The following PPM1B variants were observed in gnomAD, a reference collection of about 807,000 sequenced individuals.
PPM1B encodes the protein protein phosphatase 1B.
In PPM1B, 22 loss-of-function variants were observed where a neutral mutation model predicts 43.0. That is an observed-to-expected ratio of 0.51 (90% confidence interval 0.37 to 0.73). PPM1B has a LOEUF of 0.73. Among genes scored for constraint, PPM1B ranks in the 30% least tolerant of loss-of-function variants. The probability of loss-of-function intolerance (pLI) is 0.00; values close to 1 mark genes in which losing one functional copy is unlikely to be tolerated. For synonymous variants in PPM1B, 217 were observed against 197.9 expected (o/e 1.10, Z -0.81); for missense variants, 632 against 584.2 (o/e 1.08, Z -0.84).
In PPM1B at chr2:44,203,418, A is replaced by G. The variant is rs542326421; in HGVS notation, c.846+1373A>G. Among the ~76,000 whole-genome samples, 11 of 152,236 alleles carry G rather than the reference A, an allele frequency of 7.2e-5. No individual in the cohort carries two copies. In the South Asian group the frequency reaches 1.2e-3, roughly 17 times the overall value. ...TGACCTGTAGATTTTTGAGACAAGCATAGGCATATGTTTGTTGCCTGACTA... is the reference window on the plus strand; with the variant it reads ...TGACCTGTAGATTTTTGAGACAAGCGTAGGCATATGTTTGTTGCCTGACTA... On this transcript the variant is annotated intron_variant, in intron 2 of 5. Coordinates refer to ENST00000282412, the MANE Select transcript of PPM1B (RefSeq NM_002706.6).
In PPM1B at chr2:44,169,186, A is replaced by G. The variant is rs974645054; in HGVS notation, c.-103A>G. The G allele has an allele frequency of 1.1e-4, 17 of 160,772 alleles. No homozygotes were observed. Among genetic ancestry groups the G allele is most frequent in the Middle Eastern group, 3.2e-3 (1 of 312 alleles). The allele number at this position is 160,772 out of a possible 1,614,324, so 10.0% of individuals were successfully genotyped here. A position where few individuals can be genotyped will look rare whatever the true frequency, so the allele number is the denominator to read the frequency against. On this transcript the variant is annotated 5_prime_UTR_variant, in exon 1 of 6. Coordinates refer to ENST00000282412, the MANE Select transcript of PPM1B (RefSeq NM_002706.6). Reference sequence around the variant, plus strand: ...CCGAGGGGGAAGCGGCGGCTGAGTCAGGGTCGCGCCTCCGTTGGAAACTTG... The same window carrying G: ...CCGAGGGGGAAGCGGCGGCTGAGTCGGGGTCGCGCCTCCGTTGGAAACTTG...
chr2:44,238,702 A>T (rs1670683056), downstream of PPM1B, among the ~76,000 whole-genome samples: 1 of 151,536 alleles, frequency 6.6e-6, no homozygotes, highest in Admixed American at 6.6e-5. Flanking sequence ...AATCTGTCTC[A>T]AAAAAAGGAA....
chr2:44,170,225 C>G (rs899242249), intron 1 of PPM1B, among the ~76,000 whole-genome samples: 1 of 152,152 alleles, frequency 6.6e-6, no homozygotes, highest in Non-Finnish European at 1.5e-5. Flanking sequence ...CATCAATATT[C>G]AATTTCTTCT....
chr2:44,192,110 A>G (rs997586408), intron 1 of PPM1B, among the ~76,000 whole-genome samples: 2 of 138,456 alleles, frequency 1.4e-5, no homozygotes, highest in African/African-American at 5.4e-5. Flanking sequence ...TTTTTTTTTC[A>G]GTTTGATTTT....
At chr2:44,195,931 G>A (rs145506292) in intron 1 of PPM1B, among the ~76,000 whole-genome samples, 141 of 152,252 alleles carry the variant, frequency 9.3e-4, no homozygotes, top group Non-Finnish European at 1.4e-3. Flanking sequence ...TACTCCTTGG[G>A]ACAGTCTCAG....
At chr2:44,222,059 T>G (rs1275903083) in intron 5 of PPM1B, among the ~76,000 whole-genome samples, 1 of 152,150 alleles carries the variant, frequency 6.6e-6, no homozygotes, top group Non-Finnish European at 1.5e-5. Context: ...AGAAATCTTT[T>G]GGAAAATTTC....
chr2:44,228,609 T>C (rs527919852), intron 5 of PPM1B, among the ~76,000 whole-genome samples: 11 of 152,288 alleles, frequency 7.2e-5, no homozygotes, highest in Non-Finnish European at 1.5e-4. Context: ...TGGTTAAGAG[T>C]TTGTGTCACA....
intron 5 of PPM1B, among the ~76,000 whole-genome samples, chr2:44,223,822 A>G (rs1670086051): frequency 7.0e-6 from 1 of 142,636 alleles, no homozygotes; most frequent in African/African-American, 2.8e-5. Flanking sequence ...TCTAAAAAAA[A>G]AAAAAAAAAA....
chr2:44,204,858 CAAAAAAAAAA>C (rs368660082), intron 2 of PPM1B, among the ~76,000 whole-genome samples: 1,348 of 36,712 alleles, frequency 0.037, 26 homozygotes, highest in African/African-American at 0.076. Context: ...GACTCCGTCT[CAAAAAAAAAA>C]AAAAAAAAAA....
chr2:44,171,829 C>CAAA (rs58214419), intron 1 of PPM1B, among the ~76,000 whole-genome samples: 25 of 118,750 alleles, frequency 2.1e-4, no homozygotes, highest in African/African-American at 5.5e-4. Context: ...GACTCTGTCT[C>CAAA]AAAAAAAAAA....
chr2:44,173,218 T>C (rs1667433035), intron 1 of PPM1B, among the ~76,000 whole-genome samples: 1 of 152,232 alleles, frequency 6.6e-6, no homozygotes, highest in Non-Finnish European at 1.5e-5. Flanking sequence ...ATCAGCGTTA[T>C]GGTGAAAAGA....
At chr2:44,212,773 G>A (rs11124979) in intron 3 of PPM1B, among the ~76,000 whole-genome samples, 24,963 of 152,080 alleles carry the variant, frequency 0.16, 2,156 homozygotes, top group South Asian at 0.24. Context: ...CACTTTGGGA[G>A]ACCGAGGCGG....
intron 3 of PPM1B, among the ~76,000 whole-genome samples, chr2:44,212,704 A>C (rs1403517356): frequency 6.6e-6 from 1 of 152,024 alleles, no homozygotes; most frequent in Non-Finnish European, 1.5e-5. Context: ...TTAGTTACAC[A>C]TTCTTTAAAA....
chr2:44,174,716 T>G (rs1662964195), intron 1 of PPM1B, among the ~76,000 whole-genome samples: 1 of 152,246 alleles, frequency 6.6e-6, no homozygotes, highest in African/African-American at 2.4e-5. Flanking sequence ...GAGAGTAATG[T>G]CAACTCATTT....
At chr2:44,193,812 A>C (rs1428635403) in intron 1 of PPM1B, among the ~76,000 whole-genome samples, 1 of 151,886 alleles carries the variant, frequency 6.6e-6, no homozygotes, top group African/African-American at 2.4e-5. Flanking sequence ...CTCCTGACGT[A>C]AGGTGATCCA....
chr2:44,205,396 T>G (rs972872309), intron 2 of PPM1B, among the ~76,000 whole-genome samples: 3 of 151,768 alleles, frequency 2.0e-5, no homozygotes, highest in Non-Finnish European at 4.4e-5. Flanking sequence ...TCTGTCTGTT[T>G]CGGTTTTCAT....
At position 44,169,164 on chromosome 2, in the gene PPM1B, A is replaced by AG; in HGVS notation, c.-120dup. The AG allele has an allele frequency of 7.4e-6, 1 of 135,392 alleles. No individual in the cohort carries two copies. Among genetic ancestry groups the AG allele is most frequent in the Non-Finnish European group, 1.6e-5 (1 of 61,260 alleles). The allele number at this position is 135,392 out of a possible 1,614,324, so 8.4% of individuals were successfully genotyped here. ...CCCGGAGGCGGCGGTCGAGACCCCG[A>AG]GGGGGAAGCGGCGGCTGAGTCAGGG... is the stretch of plus-strand genomic sequence containing the variant. On this transcript the variant is annotated 5_prime_UTR_variant, in exon 1 of 6. Transcript: ENST00000282412.
intron 2 of PPM1B, among the ~76,000 whole-genome samples, chr2:44,205,142 G>A (rs183287975): frequency 6.6e-6 from 1 of 152,078 alleles, no homozygotes; most frequent in Middle Eastern, 3.2e-3. Context: ...AATCCTCATA[G>A]TAACTTTCTG....
Position 44,201,149 on chromosome 2 carries a change from A to T in PPM1B, c.-14-37A>T. On this transcript the variant is annotated intron_variant, in intron 1 of 5. Transcript: ENST00000282412. The surrounding 1 kb of genome is among the most constrained non-coding windows in gnomAD (Gnocchi z 5.4). ...GAATATTGTACATACATTTTCTGTC[A>T]AATTTAAACATTTAACACCTGCATT... The T allele has an allele frequency of 6.6e-7, 1 of 1,519,854 alleles. No individual in the cohort carries two copies. The highest frequency in any genetic ancestry group is 8.9e-7 in the Non-Finnish European group (1 of 1,128,254). The allele number at this position is 1,519,854 out of a possible 1,614,324, so 94.1% of individuals were successfully genotyped here. A position where few individuals can be genotyped will look rare whatever the true frequency, so the allele number is the denominator to read the frequency against.
Sources: gnomAD v4.1 joint callset for allele counts (sites outside exome capture counted in the v4.1 genomes callset) on GRCh38, gnomAD v4.1.1 for gene constraint, Gnocchi (gnomAD v3.1) non-coding constraint, MANE v1.5 for transcripts, NCBI Gene and HGNC (gene_info 2026-07-23, HGNC 2026-07-21) for gene names.